The following NOTO variants were observed in gnomAD, a reference collection of about 807,000 sequenced individuals.
NOTO encodes the protein notochord homeobox.
A neutral mutation model predicts 20.5 loss-of-function variants in NOTO; 19 were observed. The ratio of observed to expected loss-of-function variants is 0.93; its 90% CI spans 0.65 to 1.36. NOTO has a LOEUF of 1.36. Among genes scored for constraint, NOTO ranks in the 40% most tolerant of loss-of-function variants. The probability of loss-of-function intolerance (pLI) is 0.00; values close to 1 mark genes in which losing one functional copy is unlikely to be tolerated. For synonymous variants in NOTO, 150 were observed against 150.2 expected (o/e 1.00, Z 0.01); for missense variants, 369 against 336.2 (o/e 1.10, Z -0.76).
chr2:73,208,762 T>G (rs1686126805), intron 2 of NOTO, 148 bp downstream of exon 2: 2 of 604,254 alleles, frequency 3.3e-6, no homozygotes, highest in African/African-American at 3.7e-5. Flanking sequence ...TTTTGCACAC[T>G]CTATATAATG....
chr2:73,210,165 C>T (rs1686159321), intron 2 of NOTO, among the ~76,000 whole-genome samples: 1 of 152,194 alleles, frequency 6.6e-6, no homozygotes, highest in Non-Finnish European at 1.5e-5. Context: ...TTATCTATGG[C>T]CTTCCAGGTC....
chr2:73,204,566 C>A (rs557323322), intron 1 of NOTO, among the ~76,000 whole-genome samples: 5 of 152,354 alleles, frequency 3.3e-5, no homozygotes, highest in Non-Finnish European at 4.4e-5. Flanking sequence ...CATCTAAATT[C>A]AATACCACTG....
Position 73,202,889 on chromosome 2 carries a change from C to T in NOTO, c.223C>T (p.His75Tyr). The T allele has an allele frequency of 5.9e-6, 9 of 1,528,472 alleles. No individual in the cohort carries two copies. Among genetic ancestry groups the T allele is most frequent in the Non-Finnish European group, 7.9e-6 (9 of 1,142,646 alleles). The allele number at this position is 1,528,472 out of a possible 1,614,324, so 94.7% of individuals were successfully genotyped here. The change falls in exon 1 of 3, where the codon CAC (histidine) becomes TAC (tyrosine). Residue 75 changes from histidine to tyrosine, a missense_variant. His to Tyr is a moderately conservative substitution (Grantham distance 83). Coordinates refer to ENST00000398468, the MANE Select transcript of NOTO (RefSeq NM_001134462.2). The stretch of plus-strand genomic sequence containing the variant: ...CCAGCCGTCGGGCTCCGCCTGCGTC[C>T]ACCCGGCCTTCTGGACCGCTGCTTC... ...ASQPSGSACV[H>Y]PAFWTAASLC...
At chr2:73,205,710 G>A (rs1686080180) in intron 1 of NOTO, among the ~76,000 whole-genome samples, 1 of 151,992 alleles carries the variant, frequency 6.6e-6, no homozygotes, top group African/African-American at 2.4e-5. Flanking sequence ...TGCGATCACG[G>A]CTCACTGCAG....
intron 1 of NOTO, among the ~76,000 whole-genome samples, chr2:73,203,862 A>T (rs1686044859): frequency 7.0e-6 from 1 of 143,104 alleles, no homozygotes; most frequent in Admixed American, 6.8e-5. Context: ...GCACTTTGGG[A>T]GGCCGAGACG....
In NOTO at chr2:73,204,115, A is replaced by G. The variant is rs866898723; in HGVS notation, c.382+1067A>G. Among the ~76,000 whole-genome samples, 28 of 86,368 alleles carry G rather than the reference A, an allele frequency of 3.2e-4. 3 individuals carry two copies. Among genetic ancestry groups the G allele is most frequent in the South Asian group, 1.5e-3 (5 of 3,316 alleles). 56.7% of individuals were successfully genotyped at this position (86,368 alleles called of 152,430 possible). A position where few individuals can be genotyped will look rare whatever the true frequency, so the allele number is the denominator to read the frequency against. ...CTCCGTCTCAAAAAAAAAAAAAAAA[A>G]AAAAGACAAAAAATTAGGAGGGCGT... On this transcript the variant is annotated intron_variant, in intron 1 of 2. Transcript: ENST00000398468.
intron 1 of NOTO, 31 bp from the exon 2 acceptor site, chr2:73,208,369 A>C (rs1686117832): frequency 2.7e-6 from 4 of 1,494,940 alleles, no homozygotes; most frequent in Non-Finnish European, 3.6e-6. Context: ...CTGCTGCTGG[A>C]TAACCTCCCC....
At position 73,204,870 on chromosome 2, in the gene NOTO, A is replaced by ATTTTTTTTTTTTTTTTTTTTTTTTTTTTT. The variant is rs763001329; in HGVS notation, c.382+1830_382+1831insTTTTTTTTTTTTTTTTTTTTTTTTTTTTT. 5.4e-5 allele frequency among the ~76,000 whole-genome samples: 5 copies of ATTTTTTTTTTTTTTTTTTTTTTTTTTTTT among 93,014 alleles called. 2 individuals are homozygous for ATTTTTTTTTTTTTTTTTTTTTTTTTTTTT. Among genetic ancestry groups the ATTTTTTTTTTTTTTTTTTTTTTTTTTTTT allele is most frequent in the African/African-American group, 1.2e-4 (2 of 16,666 alleles). 61.0% of individuals were successfully genotyped at this position (93,014 alleles called of 152,430 possible). Reference sequence around the variant, plus strand: ...CAAGCCCCAGCACCATGCCCGGCTAATTTTTTTTATTTTTTTATTTTTTTT... The same window carrying ATTTTTTTTTTTTTTTTTTTTTTTTTTTTT: ...CAAGCCCCAGCACCATGCCCGGCTAATTTTTTTTTTTTTTTTTTTTTTTTTTTTTTTTTTTTTATTTTTTTATTTTTTTT... On this transcript the variant is annotated intron_variant, in intron 1 of 2. Coordinates refer to ENST00000398468, the MANE Select transcript of NOTO (RefSeq NM_001134462.2).
At position 73,212,424 on chromosome 2, in the gene NOTO, A is replaced by C. The variant is rs1189472000; in HGVS notation, c.*1495A>C. 1 of 152,194 alleles carries C rather than the reference A, an allele frequency of 6.6e-6. No homozygotes were observed. Among genetic ancestry groups the C allele is most frequent in the African/African-American group, 2.4e-5 (1 of 41,436 alleles). 9.4% of individuals were successfully genotyped at this position (152,194 alleles called of 1,614,324 possible). ...CTCCCAAAGCCCCATCTTTTTATAG[A>C]ATAATTTGTGTATGCCAAGGCTGGC... On this transcript the variant is annotated 3_prime_UTR_variant, in exon 3 of 3. Transcript: ENST00000398468.
intron 1 of NOTO, among the ~76,000 whole-genome samples, chr2:73,204,809 A>T (rs187398711): frequency 6.7e-6 from 1 of 149,936 alleles, no homozygotes; most frequent in Admixed American, 6.6e-5. Flanking sequence ...GTCTCAAGTG[A>T]TTCTCCTGCC....
Position 73,202,936 on chromosome 2 carries a change from G to A in NOTO, c.270G>A (p.Leu90=). 1 of 1,519,428 alleles carries A rather than the reference G, an allele frequency of 6.6e-7. No individual in the cohort carries two copies. The highest frequency in any genetic ancestry group is 2.7e-5 in the East Asian group (1 of 37,710). The allele number at this position is 1,519,428 out of a possible 1,614,324, so 94.1% of individuals were successfully genotyped here. The change falls in exon 1 of 3, where the codon CTG becomes CTA. Residue 90 remains leucine (L), a synonymous_variant. Coordinates refer to ENST00000398468, the MANE Select transcript of NOTO (RefSeq NM_001134462.2). ...CTTCCCTGTGCGCCACCGGGGGTCT[G>A]CCCTGGGCTTGCCCGACATCGTGGC... The part of the protein sequence containing the change: ...TAASLCATGG[L]PWACPTSWLP...
rs377208204 is a variant in NOTO at position 73,208,458 on chromosome 2, G to A, written c.441G>A (p.Glu147=). 2.9e-5 allele frequency: 45 copies of A among 1,551,570 alleles called. No individual in the cohort carries two copies. Among genetic ancestry groups the A allele is most frequent in the Non-Finnish European group, 3.8e-5 (44 of 1,146,966 alleles). Residue 147 remains glutamate (E), a synonymous_variant, in exon 2 of 3, where the codon GAG becomes GAA. Coordinates refer to ENST00000398468, the MANE Select transcript of NOTO (RefSeq NM_001134462.2). The part of the protein sequence containing the change: ...LWAFPDWAPT[E]DLQDTERQQK... ...CCTTCCCAGACTGGGCCCCAACGGA[G>A]GACCTACAGGACACTGAGAGACAGC...
chr2:73,207,602 G>A (rs1255933236), intron 1 of NOTO, among the ~76,000 whole-genome samples: 3 of 151,988 alleles, frequency 2.0e-5, no homozygotes, highest in Non-Finnish European at 2.9e-5. Flanking sequence ...CACCCAGGAT[G>A]GAGTAGAGTG....
intron 1 of NOTO, 127 bp downstream of exon 1, chr2:73,203,175 A>AT (rs1485373671): frequency 1.2e-6 from 1 of 825,636 alleles, no homozygotes; most frequent in East Asian, 3.4e-5. Context: ...TGGAGTGGGA[A>AT]GGGGCTCTGC....
chr2:73,204,014 G>A (rs1686048646), intron 1 of NOTO, among the ~76,000 whole-genome samples: 1 of 99,862 alleles, frequency 1.0e-5, no homozygotes, highest in Admixed American at 8.7e-5. Context: ...CAGGAGAATG[G>A]CGTGAACCCG....
At position 73,204,876 on chromosome 2, in the gene NOTO, TTTATTTTTTTA is replaced by T. The variant is rs1316104443; in HGVS notation, c.382+1831_382+1841del. Among the ~76,000 whole-genome samples, 458 of 64,656 alleles carry T rather than the reference TTTATTTTTTTA, an allele frequency of 7.1e-3. 27 individuals are homozygous for T. The highest frequency in any genetic ancestry group is 0.041 in the African/African-American group (424 of 10,442). 42.4% of individuals were successfully genotyped at this position (64,656 alleles called of 152,430 possible). ...CCAGCACCATGCCCGGCTAATTTTT[TTTATTTTTTTA>T]TTTTTTTTTTTTGAGGCGGAGTCTT... On this transcript the variant is annotated intron_variant, in intron 1 of 2. Coordinates refer to ENST00000398468, the MANE Select transcript of NOTO (RefSeq NM_001134462.2).
intron 1 of NOTO, among the ~76,000 whole-genome samples, chr2:73,206,513 A>AT (rs941229886): frequency 1.1e-4 from 17 of 151,854 alleles, no homozygotes; most frequent in African/African-American, 3.9e-4. Flanking sequence ...TAATTTTTGT[A>AT]TTTTTTGTAG....
At chr2:73,206,890 G>T (rs1255144127) in intron 1 of NOTO, among the ~76,000 whole-genome samples, 1 of 149,984 alleles carries the variant, frequency 6.7e-6, no homozygotes, top group African/African-American at 2.5e-5. Context: ...CGCCTTCCAG[G>T]TTCAAGCGAT....
rs1057026815 is a variant in NOTO at position 73,211,446 on chromosome 2, A to C, written c.*517A>C. 2 of 152,268 alleles carry C rather than the reference A, an allele frequency of 1.3e-5. No homozygotes were observed. The highest frequency in any genetic ancestry group is 4.8e-5 in the African/African-American group (2 of 41,442). The allele number at this position is 152,268 out of a possible 1,614,324, so 9.4% of individuals were successfully genotyped here. On this transcript the variant is annotated 3_prime_UTR_variant, in exon 3 of 3. Coordinates refer to ENST00000398468, the MANE Select transcript of NOTO (RefSeq NM_001134462.2). Reference sequence around the variant, plus strand: ...GCAAATTCTGACATGATCTACCTGCAGGTAGTGTCTGACCCCACAGATTCA... The same window carrying C: ...GCAAATTCTGACATGATCTACCTGCCGGTAGTGTCTGACCCCACAGATTCA...
Sources: gnomAD v4.1 joint callset for allele counts (sites outside exome capture counted in the v4.1 genomes callset) on GRCh38, gnomAD v4.1.1 for gene constraint, MANE v1.5 for transcripts, NCBI Gene and HGNC (gene_info 2026-07-23, HGNC 2026-07-21) for gene names.